Variants in STEAP1B observed in about 807,000 individuals in gnomAD.
The protein encoded by STEAP1B is STEAP family member 1B.
A neutral mutation model predicts 27.9 loss-of-function variants in STEAP1B; 13 were observed. The ratio of observed to expected loss-of-function variants is 0.47; its 90% confidence interval spans 0.30 to 0.74. STEAP1B has a LOEUF of 0.74. Ranked by LOEUF, STEAP1B falls within the 30% of genes least tolerant of loss-of-function variation. The pLI is 0.06. For synonymous variants in STEAP1B, 86 were observed against 107.1 expected (o/e 0.80, Z 1.22); for missense variants, 250 against 298.7 (o/e 0.84, Z 1.20).
At chr7:22,473,761 A>G (rs1785926333) in intron 4 of STEAP1B, among the ~76,000 whole-genome samples, 1 of 152,060 alleles carries the variant, frequency 6.6e-6, no homozygotes, top group Admixed American at 6.6e-5. Context: ...TTCCTGCATC[A>G]CTCCAGGCTA....
chr7:22,422,716 A>G (rs969557769), intron 4 of STEAP1B, among the ~76,000 whole-genome samples: 2 of 152,156 alleles, frequency 1.3e-5, no homozygotes, highest in African/African-American at 4.8e-5. Flanking sequence ...GTTGGTCTCG[A>G]ACTCCTGACC....
rs527387794 is a variant in STEAP1B, at chr7:22,440,423, G to A, written c.763-20587C>T. On this transcript the variant is annotated intron_variant, in intron 4 of 4. Transcript: ENST00000678116. Reference sequence around the variant, plus strand: ...CAAGCTGTATTTTGTAATATCTGATGGGGTATCTTGTAAAAATATTTGTTG... The same window carrying A: ...CAAGCTGTATTTTGTAATATCTGATAGGGTATCTTGTAAAAATATTTGTTG... 5.9e-5 allele frequency among the ~76,000 whole-genome samples: 9 copies of A among 152,250 alleles called. No homozygotes were observed. The South Asian group carries it at 1.9e-3, about 32-fold the overall frequency.
intron 4 of STEAP1B, among the ~76,000 whole-genome samples, chr7:22,463,311 C>A (rs1365461575): frequency 6.6e-6 from 1 of 151,904 alleles, no homozygotes; most frequent in Admixed American, 6.6e-5. Context: ...AAAGAGGATA[C>A]AAACAAATGC....
rs146158204 is a variant in STEAP1B at position 22,457,103 on chromosome 7, C to T, written c.762+35462G>A. Reference sequence around the variant, plus strand: ...CCTGAAGTCTGTGTTAACAAAAGGCCGAGTCTCTAAATGTCCTGGGATAAA... The same window carrying T: ...CCTGAAGTCTGTGTTAACAAAAGGCTGAGTCTCTAAATGTCCTGGGATAAA... On this transcript the variant is annotated intron_variant, in intron 4 of 4. Transcript: ENST00000678116. Among the ~76,000 whole-genome samples the T allele has an allele frequency of 1.4e-3, 217 of 150,298 alleles. 2 individuals carry two copies. The highest frequency in any genetic ancestry group is 4.0e-3 in the African/African-American group (164 of 40,734).
chr7:22,432,530 C>T lies in STEAP1B; in HGVS notation c.763-12694G>A, dbSNP rs187954079. ...GGCAGAGGTTGCAGCCAGCTGAGAT[C>T]ATACCACTGACTCCAGCCTGGGCAA... On this transcript the variant is annotated intron_variant, in intron 4 of 4. Coordinates refer to ENST00000678116, the MANE Select transcript of STEAP1B (RefSeq NM_001382447.1). Among the ~76,000 whole-genome samples the T allele has an allele frequency of 1.1e-3, 165 of 152,182 alleles. 1 individual carries two copies. The highest frequency in any genetic ancestry group is 3.7e-3 in the African/African-American group (152 of 41,540).
chr7:22,429,470 C>T lies in STEAP1B; in HGVS notation c.763-9634G>A, dbSNP rs537013607. On this transcript the variant is annotated intron_variant, in intron 4 of 4. Transcript: ENST00000678116. Reference sequence around the variant, plus strand: ...TTCTATTATCCACAGGTAATAGGTTCCCCCCAGTAGATGTCTGAAGAGTGG... The same window carrying T: ...TTCTATTATCCACAGGTAATAGGTTTCCCCCAGTAGATGTCTGAAGAGTGG... Among the ~76,000 whole-genome samples the T allele has an allele frequency of 7.9e-5, 12 of 152,132 alleles. No homozygotes were observed. In the South Asian group the frequency reaches 2.5e-3, roughly 32 times the overall value.
chr7:22,467,278 T>C (rs189195806), intron 4 of STEAP1B, among the ~76,000 whole-genome samples: 205 of 152,256 alleles, frequency 1.3e-3, no homozygotes, highest in African/African-American at 4.6e-3. Flanking sequence ...GGAAAAGATA[T>C]CAGTTTCTTA....
chr7:22,454,788 C>T (rs1785544947), intron 4 of STEAP1B, among the ~76,000 whole-genome samples: 1 of 117,400 alleles, frequency 8.5e-6, no homozygotes, highest in South Asian at 2.9e-4. Context: ...TCAGCAACCT[C>T]ACCTGACCAA....
intron 4 of STEAP1B, among the ~76,000 whole-genome samples, chr7:22,489,334 T>C (rs1210938491): frequency 6.6e-6 from 1 of 152,180 alleles, no homozygotes; most frequent in Non-Finnish European, 1.5e-5. Context: ...CTATATTAAA[T>C]GGACTCCCCT....
intron 4 of STEAP1B, among the ~76,000 whole-genome samples, chr7:22,423,809 G>A (rs571021267): frequency 6.6e-6 from 1 of 152,160 alleles, no homozygotes; most frequent in Non-Finnish European, 1.5e-5. Context: ...CGGGCAAATC[G>A]CTTGAGTCCA....
intron 4 of STEAP1B, among the ~76,000 whole-genome samples, chr7:22,424,029 T>C (rs1785076084): frequency 1.3e-5 from 2 of 152,012 alleles, no homozygotes; most frequent in South Asian, 2.1e-4. Flanking sequence ...ACCCTATCTC[T>C]AAAAAAGGAA....
chr7:22,445,741 C>T lies in STEAP1B; in HGVS notation c.763-25905G>A, dbSNP rs1785400063. 3.9e-5 allele frequency among the ~76,000 whole-genome samples: 6 copies of T among 152,372 alleles called. No individual in the cohort carries two copies. In the South Asian group the frequency reaches 1.0e-3, roughly 26 times the overall value. The stretch of plus-strand genomic sequence containing the variant: ...CTCCAAGCAGCCCAACCCCTTTAAA[C>T]TCAAAGTCAGAGCTATATTCTCACA... On this transcript the variant is annotated intron_variant, in intron 4 of 4. Coordinates refer to ENST00000678116, the MANE Select transcript of STEAP1B (RefSeq NM_001382447.1).
intron 4 of STEAP1B, among the ~76,000 whole-genome samples, chr7:22,422,494 ATT>A (rs35793677): frequency 7.3e-4 from 107 of 145,618 alleles, no homozygotes; most frequent in Admixed American, 7.5e-4. Context: ...TATTTGTGTA[ATT>A]TTTTTTTTTT....
At chr7:22,468,968 A>G (rs898392901) in intron 4 of STEAP1B, among the ~76,000 whole-genome samples, 2 of 152,248 alleles carry the variant, frequency 1.3e-5, no homozygotes, top group Admixed American at 6.5e-5. Context: ...TTATTATCCT[A>G]TACTTTTTAT....
Position 22,425,484 on chromosome 7 carries a change from G to A in STEAP1B, c.763-5648C>T, listed in dbSNP as rs551850072. Among the ~76,000 whole-genome samples the A allele has an allele frequency of 6.6e-4, 101 of 152,078 alleles. 1 individual carries two copies. The South Asian group carries it at 0.018, about 27-fold the overall frequency. ...CAGTCAACGCAATGAGACAAATAAGGTTCATTAAAAAAACAGTCAGTTGGC... is the reference window on the plus strand; with the variant it reads ...CAGTCAACGCAATGAGACAAATAAGATTCATTAAAAAAACAGTCAGTTGGC... On this transcript the variant is annotated intron_variant, in intron 4 of 4. Transcript: ENST00000678116.
intron 4 of STEAP1B, among the ~76,000 whole-genome samples, chr7:22,456,966 A>ATTTTTTTTTTTTT (rs1301439928): frequency 2.2e-4 from 8 of 36,814 alleles, no homozygotes; most frequent in Admixed American, 3.3e-4. Flanking sequence ...ATATATATAT[A>ATTTTTTTTTTTTT]TATATATTTT....
At chr7:22,452,682 T>A (rs1203848273) in intron 4 of STEAP1B, among the ~76,000 whole-genome samples, 1 of 152,118 alleles carries the variant, frequency 6.6e-6, no homozygotes, top group Non-Finnish European at 1.5e-5. Flanking sequence ...AGCGAACTCC[T>A]TCAGTCTCGG....
intron 4 of STEAP1B, among the ~76,000 whole-genome samples, chr7:22,450,591 G>A (rs1249723894): frequency 1.5e-5 from 2 of 134,368 alleles, no homozygotes; most frequent in East Asian, 4.3e-4. Flanking sequence ...TGTGATTCCT[G>A]TAGTTTTGTT....
At chr7:22,421,085 T>C (rs1263816097) in intron 4 of STEAP1B, among the ~76,000 whole-genome samples, 1 of 152,216 alleles carries the variant, frequency 6.6e-6, no homozygotes, top group Admixed American at 6.5e-5. Flanking sequence ...CCAACATCAG[T>C]TATGTCTGGC....
Sources: gnomAD v4.1 joint callset for allele counts (sites outside exome capture counted in the v4.1 genomes callset) on GRCh38, gnomAD v4.1.1 for gene constraint, MANE v1.5 for transcripts, NCBI Gene and HGNC (gene_info 2026-07-23, HGNC 2026-07-21) for gene names.